DNAH11: variants seen among roughly 807,000 people sequenced by gnomAD.
DNAH11 encodes dynein axonemal heavy chain 11.
A neutral mutation model predicts 526.0 loss-of-function variants in DNAH11; 442 were observed. The observed-to-expected ratio is 0.84, with a 90% CI of 0.78 to 0.91. DNAH11 has a LOEUF of 0.91. Among genes scored for constraint, DNAH11 ranks in the 40% least tolerant of loss-of-function variants. The pLI is 0.00. For missense variants in DNAH11, 6,989 were observed against 5,448.7 expected, an observed-to-expected ratio of 1.28 and a Z score of -8.90; for synonymous variants, 2,461 against 1,935.9, an observed-to-expected ratio of 1.27 and a Z score of -7.12.
intron 45 of DNAH11, 86 bp downstream of exon 45, chr7:21,726,070 A>G: frequency 7.6e-7 from 1 of 1,323,432 alleles, no homozygotes; most frequent in Non-Finnish European, 1.0e-6. Flanking sequence ...TATAAAGAAA[A>G]GAGGTTTAAT....
chr7:21,895,792 C>T (rs62445897), intron 79 of DNAH11, among the ~76,000 whole-genome samples: 19,519 of 152,162 alleles, frequency 0.13, 1,510 homozygotes, highest in East Asian at 0.33. Flanking sequence ...TGCAGTGGCG[C>T]GATCTCGGCT....
intron 28 of DNAH11, among the ~76,000 whole-genome samples, chr7:21,653,956 G>T (rs1219096773): frequency 6.6e-6 from 1 of 152,152 alleles, no homozygotes; most frequent in Non-Finnish European, 1.5e-5. Context: ...AGTTGCTGTG[G>T]TATACTTCTC....
chr7:21,773,816 T>C lies in DNAH11; in HGVS notation c.9153T>C (p.Thr3051=). 1 of 1,608,416 alleles carries C rather than the reference T, an allele frequency of 6.2e-7. No individual in the cohort carries two copies. ...ISLFMAHVHT[T]VNEMSTRYYQ... ...TTTTCATGGCACATGTTCACACCAC[T>C]GTAAATGAAATGAGTACCAGATATT... The change falls in exon 56 of 82, where the codon ACT becomes ACC. Residue 3051 remains threonine, a synonymous_variant. Transcript: ENST00000409508.
intron 54 of DNAH11, among the ~76,000 whole-genome samples, chr7:21,753,368 A>G (rs1562526879): frequency 6.6e-6 from 1 of 152,068 alleles, no homozygotes. Flanking sequence ...GTAAATATTT[A>G]ATTTGGGGAC....
At position 21,739,706 on chromosome 7, in the gene DNAH11, A is replaced by T. The variant is rs760131469; in HGVS notation, c.7914+33A>T. 3 of 1,529,986 alleles carry T rather than the reference A, an allele frequency of 2.0e-6. No individual in the cohort carries two copies. The African/African-American group carries it at 4.1e-5, about 21-fold the overall frequency. The allele number at this position is 1,529,986 out of a possible 1,614,324, so 94.8% of individuals were successfully genotyped here. On this transcript the variant is annotated intron_variant, in intron 48 of 81. Transcript: ENST00000409508. ...GTTGAATACTGCTCTCAAAAACTGT[A>T]GGTCTGTATTGTATTGTTTTCGAGT...
chr7:21,857,783 A>G (rs559516830), intron 68 of DNAH11, among the ~76,000 whole-genome samples: 2 of 152,286 alleles, frequency 1.3e-5, no homozygotes, highest in South Asian at 2.1e-4. Context: ...ACATGACATA[A>G]AATAAACCTC....
chr7:21,672,653 C>T (rs1304491751), intron 30 of DNAH11, among the ~76,000 whole-genome samples: 1 of 152,186 alleles, frequency 6.6e-6, no homozygotes, highest in Non-Finnish European at 1.5e-5. Context: ...TTGGGTGTCC[C>T]CATATTGGGA....
At chr7:21,900,820 C>G in intron 81 of DNAH11, 187 bp from the exon 82 acceptor site, 2 of 838,274 alleles carry the variant, frequency 2.4e-6, no homozygotes, top group Non-Finnish European at 1.7e-6. Context: ...CAAAGCGGTG[C>G]CTCCGCTGCA....
intron 8 of DNAH11, among the ~76,000 whole-genome samples, chr7:21,578,466 GC>G (rs1784185605): frequency 6.6e-6 from 1 of 152,216 alleles, no homozygotes; most frequent in Non-Finnish European, 1.5e-5. Flanking sequence ...GCAGGGTACA[GC>G]CCCCACAACT....
intron 36 of DNAH11, among the ~76,000 whole-genome samples, chr7:21,698,438 C>T (rs1240575682): frequency 6.6e-6 from 1 of 152,016 alleles, no homozygotes; most frequent in Non-Finnish European, 1.5e-5. Flanking sequence ...GTACACAGTA[C>T]CCAGTGTGTA....
intron 59 of DNAH11, among the ~76,000 whole-genome samples, chr7:21,787,172 C>T (rs1218020352): frequency 6.6e-6 from 1 of 152,154 alleles, no homozygotes; most frequent in Non-Finnish European, 1.5e-5. Context: ...TGAATACCTC[C>T]TGTGCTGGGA....
intron 54 of DNAH11, among the ~76,000 whole-genome samples, chr7:21,756,657 G>GT (rs1786653800): frequency 1.3e-5 from 2 of 151,976 alleles, no homozygotes; most frequent in Non-Finnish European, 2.9e-5. Flanking sequence ...ATAATTTAAG[G>GT]TTTTTTCTTG....
chr7:21,611,149 A>C (rs1785508367), intron 20 of DNAH11, among the ~76,000 whole-genome samples: 1 of 152,178 alleles, frequency 6.6e-6, no homozygotes, highest in Non-Finnish European at 1.5e-5. Flanking sequence ...GGGCCCAGAT[A>C]GAAGAAAAAG....
At chr7:21,865,250 C>T (rs1468011143) in intron 70 of DNAH11, among the ~76,000 whole-genome samples, 1 of 152,154 alleles carries the variant, frequency 6.6e-6, no homozygotes, top group Non-Finnish European at 1.5e-5. Context: ...CTTTGCCCTA[C>T]TCTTTTTTCT....
intron 44 of DNAH11, among the ~76,000 whole-genome samples, chr7:21,721,274 C>T (rs547240435): frequency 1.2e-4 from 19 of 152,274 alleles, no homozygotes; most frequent in Admixed American, 3.9e-4. Context: ...ACGTGGAAGA[C>T]ATCACTCTTC....
chr7:21,846,613 T>G (rs1028703373), intron 66 of DNAH11, among the ~76,000 whole-genome samples: 6 of 152,150 alleles, frequency 3.9e-5, no homozygotes, highest in African/African-American at 1.4e-4. Flanking sequence ...GATTTGCTAA[T>G]TTTTTGAGGA....
At chr7:21,594,667 T>G (rs141093337) in intron 14 of DNAH11, among the ~76,000 whole-genome samples, 205 of 151,458 alleles carry the variant, frequency 1.4e-3, no homozygotes, top group African/African-American at 4.8e-3. Context: ...TGGTGAAGAG[T>G]GTTCCAGGCA....
At chr7:21,557,085 T>C (rs553382875) in intron 2 of DNAH11, among the ~76,000 whole-genome samples, 14 of 151,748 alleles carry the variant, frequency 9.2e-5, no homozygotes, top group Non-Finnish European at 2.1e-4. Flanking sequence ...AGTGAGAACA[T>C]ACAGTATTTG....
intron 8 of DNAH11, among the ~76,000 whole-genome samples, chr7:21,579,765 CATG>C (rs1312331510): frequency 1.3e-5 from 2 of 152,152 alleles, no homozygotes; most frequent in African/African-American, 2.4e-5. Context: ...AAGAAAGTGA[CATG>C]ATAAGATTTC....
Sources: gnomAD v4.1 joint callset for allele counts (sites outside exome capture counted in the v4.1 genomes callset) on GRCh38, gnomAD v4.1.1 for gene constraint, MANE v1.5 for transcripts, NCBI Gene and HGNC (gene_info 2026-07-23, HGNC 2026-07-21) for gene names.